RAB30: variants seen among roughly 807,000 people sequenced by gnomAD.
The protein encoded by RAB30 is ras-related protein Rab-30.
RAB30 carries 9 observed loss-of-function variants against 25.1 expected under a neutral mutation model. The ratio of observed to expected loss-of-function variants is 0.36; its 90% CI spans 0.22 to 0.63. RAB30 has a LOEUF of 0.63. Among genes scored for constraint, RAB30 ranks in the 20% least tolerant of loss-of-function variants. The pLI is 0.69. For synonymous variants in RAB30, 77 were observed against 86.4 expected (o/e 0.89, Z 0.60); for missense variants, 140 against 243.5 (o/e 0.58, Z 2.83).
chr11:83,008,434 C>T (rs533045542), intron 1 of RAB30, among the ~76,000 whole-genome samples: 18 of 152,304 alleles, frequency 1.2e-4, no homozygotes, highest in African/African-American at 4.3e-4. Flanking sequence ...TGTGACAGGT[C>T]CTGTGTCAAG....
At chr11:83,003,932 G>C (rs1242815519) in intron 1 of RAB30, among the ~76,000 whole-genome samples, 1 of 152,090 alleles carries the variant, frequency 6.6e-6, no homozygotes, top group Non-Finnish European at 1.5e-5. Context: ...TATGACCCTA[G>C]ATACTCAGTA....
At chr11:83,053,263 T>G (rs1258113720) in intron 1 of RAB30, among the ~76,000 whole-genome samples, 4 of 152,192 alleles carry the variant, frequency 2.6e-5, no homozygotes, top group Non-Finnish European at 4.4e-5. Flanking sequence ...CCTCAGTTTT[T>G]GTACTTATAA....
At chr11:83,057,755 G>A (rs150345972) in intron 1 of RAB30, among the ~76,000 whole-genome samples, 71 of 152,310 alleles carry the variant, frequency 4.7e-4, no homozygotes, top group African/African-American at 1.6e-3. Context: ...GATTTGATGT[G>A]TGTACTTTTA....
intron 1 of RAB30, among the ~76,000 whole-genome samples, chr11:83,028,453 T>C (rs941096373): frequency 2.0e-5 from 3 of 152,116 alleles, no homozygotes; most frequent in Non-Finnish European, 4.4e-5. Context: ...AACTGAAGGA[T>C]GCAGGTTGCC....
At chr11:83,028,728 T>C (rs1441044040) in intron 1 of RAB30, among the ~76,000 whole-genome samples, 4 of 152,182 alleles carry the variant, frequency 2.6e-5, no homozygotes, top group African/African-American at 9.7e-5. Context: ...AGAAGAAAGA[T>C]ACTTTAAAGT....
In RAB30 at chr11:82,982,333, A is replaced by G. The variant is rs766085895; in HGVS notation, c.444T>C (p.Tyr148=). 3.1e-6 allele frequency: 5 copies of G among 1,614,234 alleles called. No homozygotes were observed. The South Asian group carries it at 5.5e-5, about 18-fold the overall frequency. Residue 148 remains tyrosine, a synonymous_variant, in exon 5 of 5, where the codon TAT becomes TAC. Coordinates refer to ENST00000527633, the MANE Select transcript of RAB30 (RefSeq NM_001286060.2). ...EEFSEAQDMY[Y]LETSAKESDN... The stretch of plus-strand genomic sequence containing the variant: ...CAGATTCCTTGGCTGAGGTCTCCAG[A>G]TAATACATGTCCTGAGCTTCTGAGA...
At chr11:83,028,597 C>T (rs957697094) in intron 1 of RAB30, among the ~76,000 whole-genome samples, 1 of 152,128 alleles carries the variant, frequency 6.6e-6, no homozygotes, top group African/African-American at 2.4e-5. Context: ...AATCAGAACC[C>T]TTCCAACTTC....
At chr11:83,062,833 T>C (rs1314891252) in intron 1 of RAB30, among the ~76,000 whole-genome samples, 2 of 151,906 alleles carry the variant, frequency 1.3e-5, no homozygotes, top group African/African-American at 4.8e-5. Context: ...GAACCCCATC[T>C]CTACTAAAAA....
intron 1 of RAB30, among the ~76,000 whole-genome samples, chr11:83,029,552 C>T (rs777637297): frequency 6.6e-6 from 1 of 152,110 alleles, no homozygotes; most frequent in African/African-American, 2.4e-5. Flanking sequence ...CAGGTATGAA[C>T]CTTAGCATCC....
chr11:83,054,679 A>T (rs1027565494), intron 1 of RAB30, among the ~76,000 whole-genome samples: 2 of 151,776 alleles, frequency 1.3e-5, no homozygotes, highest in African/African-American at 2.4e-5. Context: ...TGGGCAATAG[A>T]ATGAGACCCT....
intron 4 of RAB30, among the ~76,000 whole-genome samples, chr11:82,985,855 G>A (rs1236172775): frequency 2.0e-5 from 3 of 151,876 alleles, no homozygotes; most frequent in Non-Finnish European, 1.5e-5. Flanking sequence ...GGGACCACAG[G>A]TAGATGCCAT....
chr11:83,031,157 A>G (rs1272882328), intron 1 of RAB30, among the ~76,000 whole-genome samples: 1 of 152,266 alleles, frequency 6.6e-6, no homozygotes, highest in Non-Finnish European at 1.5e-5. Context: ...CCTAGCCTCC[A>G]GAACTGTGAA....
rs1174800738 is a variant in RAB30, at chr11:82,974,792, T to G, written c.*7373A>C. On this transcript the variant is annotated 3_prime_UTR_variant, in exon 5 of 5. Coordinates refer to ENST00000527633, the MANE Select transcript of RAB30 (RefSeq NM_001286060.2). ...AACTAGCTGCTGAGATCTCCAGAAT[T>G]ATATATTTTGCATTTTATTTCATCT... 1 of 152,132 alleles carries G rather than the reference T, an allele frequency of 6.6e-6. No individual in the cohort carries two copies. The highest frequency in any genetic ancestry group is 1.5e-5 in the Non-Finnish European group (1 of 67,998). 9.4% of individuals were successfully genotyped at this position (152,132 alleles called of 1,614,324 possible).
At chr11:83,061,253 T>TATCC (rs1228003858) in intron 1 of RAB30, among the ~76,000 whole-genome samples, 5 of 152,168 alleles carry the variant, frequency 3.3e-5, no homozygotes, top group Admixed American at 6.5e-5. Context: ...TCTCTCTGTC[T>TATCC]ATCCATCCAT....
At chr11:83,024,042 G>A (rs1004162190) in intron 1 of RAB30, among the ~76,000 whole-genome samples, 1 of 152,102 alleles carries the variant, frequency 6.6e-6, no homozygotes, top group African/African-American at 2.4e-5. Flanking sequence ...TCCATATCCC[G>A]GGGCCTCTTG....
chr11:82,987,510 C>A, intron 4 of RAB30, 77 bp downstream of exon 4: 1 of 1,352,360 alleles, frequency 7.4e-7, no homozygotes, highest in Non-Finnish European at 1.0e-6. Context: ...TGGAAGGCAC[C>A]AATGTATAAG....
At chr11:82,985,678 T>C (rs114298905) in intron 4 of RAB30, among the ~76,000 whole-genome samples, 2,865 of 150,902 alleles carry the variant, frequency 0.019, 83 homozygotes, top group African/African-American at 0.065. Context: ...GATGAAAAGA[T>C]GTAGCTGTCA....
chr11:83,042,921 T>C (rs948466009), intron 1 of RAB30, among the ~76,000 whole-genome samples: 2 of 152,218 alleles, frequency 1.3e-5, no homozygotes, highest in African/African-American at 4.8e-5. Flanking sequence ...TAATGTGTAA[T>C]CTTGTTTGGA....
Position 83,018,850 on chromosome 11 carries a change from T to C in RAB30, c.-8-21526A>G, listed in dbSNP as rs531748753. 3.9e-5 allele frequency among the ~76,000 whole-genome samples: 6 copies of C among 152,350 alleles called. No individual in the cohort carries two copies. In the South Asian group the frequency reaches 1.2e-3, roughly 32 times the overall value. On this transcript the variant is annotated intron_variant, in intron 1 of 4. Transcript: ENST00000527633. ...GTCTTAGACTTAAGTCTTTGATCCA[T>C]CTTGAGTTGATTTTTGTATAAGATC...
Sources: allele counts gnomAD v4.1 joint callset (sites outside exome capture counted in the v4.1 genomes callset), GRCh38; gene constraint gnomAD v4.1.1; transcripts MANE v1.5; gene names NCBI Gene and HGNC (gene_info 2026-07-23, HGNC 2026-07-21).